Variants in ACTN2 observed in about 807,000 individuals in gnomAD.
ACTN2 encodes the protein actinin alpha 2.
Under a neutral mutation model 113.8 loss-of-function variants are expected in ACTN2, and 39 were observed. The observed-to-expected ratio is 0.34, with a 90% confidence interval of 0.27 to 0.45. ACTN2 has a LOEUF of 0.45. Ranked by LOEUF, ACTN2 falls within the 20% of genes least tolerant of loss-of-function variation. The probability of loss-of-function intolerance (pLI) is 1.00; values close to 1 mark genes in which losing one functional copy is unlikely to be tolerated. For missense variants in ACTN2, 992 were observed against 1,177.9 expected, an observed-to-expected ratio of 0.84 and a Z score of 2.31; for synonymous variants, 429 against 444.1, an observed-to-expected ratio of 0.97 and a Z score of 0.43.
At position 236,731,227 on chromosome 1, in the gene ACTN2, A is replaced by G. The variant is rs539077634; in HGVS notation, c.616-6A>G. The G allele has an allele frequency of 1.2e-6, 2 of 1,608,928 alleles. No individual in the cohort carries two copies. Among genetic ancestry groups the G allele is most frequent in the Admixed American group, 1.7e-5 (1 of 59,986 alleles). ...TAAAAATCTGACTGTCTTGGTTTTCATACAGGATGACCCCATAGGAAATAT... is the reference window on the plus strand; with the variant it reads ...TAAAAATCTGACTGTCTTGGTTTTCGTACAGGATGACCCCATAGGAAATAT... On this transcript the variant is annotated splice_polypyrimidine_tract_variant and splice_region_variant and intron_variant, in intron 6 of 20. Transcript: ENST00000366578.
chr1:236,735,127 G>A (rs909590755), intron 7 of ACTN2, among the ~76,000 whole-genome samples: 9 of 152,142 alleles, frequency 5.9e-5, no homozygotes, highest in African/African-American at 1.9e-4. Context: ...TCATCCTCAC[G>A]CAAGGCACTT....
Position 236,708,091 on chromosome 1 carries a change from C to T in ACTN2, c.127-9767C>T, listed in dbSNP as rs139818385. On this transcript the variant is annotated intron_variant, in intron 1 of 20. Transcript: ENST00000366578. ...TCCACACTAGACACTAAGCAGGTCA[C>T]GAAGCCAGGGTTCAGATTTAAGGCC... 4.5e-4 allele frequency among the ~76,000 whole-genome samples: 68 copies of T among 152,076 alleles called. 1 individual carries two copies. The highest frequency in any genetic ancestry group is 1.5e-3 in the African/African-American group (61 of 41,498).
At position 236,726,389 on chromosome 1, in the gene ACTN2, C is replaced by A. The variant is rs707207; in HGVS notation, c.536+369C>A. Among the ~76,000 whole-genome samples the A allele has an allele frequency of 9.9e-5, 15 of 152,200 alleles. No homozygotes were observed. In the South Asian group the frequency reaches 2.7e-3, roughly 27 times the overall value. Reference sequence around the variant, plus strand: ...AGACCCTGGCAGAGTCTGCGTACCCCCCACTAGCGACTCTTCAGCCCTCAG... The same window carrying A: ...AGACCCTGGCAGAGTCTGCGTACCCACCACTAGCGACTCTTCAGCCCTCAG... On this transcript the variant is annotated intron_variant, in intron 5 of 20. Transcript: ENST00000366578.
At position 236,735,791 on chromosome 1, in the gene ACTN2, G is replaced by A. The variant is rs1572129301; in HGVS notation, c.783+71G>A. Reference sequence around the variant, plus strand: ...GTTTTAGTTGTGTGTGCATACTTGAGTGTGTGTTTGTGCGCTTCACATCTT... The same window carrying A: ...GTTTTAGTTGTGTGTGCATACTTGAATGTGTGTTTGTGCGCTTCACATCTT... On this transcript the variant is annotated intron_variant, in intron 8 of 20. Coordinates refer to ENST00000366578, the MANE Select transcript of ACTN2 (RefSeq NM_001103.4). 17 of 1,259,558 alleles carry A rather than the reference G, an allele frequency of 1.3e-5. No homozygotes were observed. In the South Asian group the frequency reaches 2.1e-4, roughly 15 times the overall value. 78.0% of individuals were successfully genotyped at this position (1,259,558 alleles called of 1,614,324 possible).
rs759186040 is a variant in ACTN2, at chr1:236,737,072, T to C, written c.784-50T>C. ...CACCCACCTCGTTCCATGCTGTGTG[T>C]GCGCATTCCCGTCGACAGAGCCGTC... On this transcript the variant is annotated intron_variant, in intron 8 of 20. Coordinates refer to ENST00000366578, the MANE Select transcript of ACTN2 (RefSeq NM_001103.4). 2.0e-6 allele frequency: 3 copies of C among 1,475,664 alleles called. No homozygotes were observed. In the African/African-American group the frequency reaches 4.1e-5, roughly 20 times the overall value. 91.4% of individuals were successfully genotyped at this position (1,475,664 alleles called of 1,614,324 possible). A position where few individuals can be genotyped will look rare whatever the true frequency, so the allele number is the denominator to read the frequency against.
At chr1:236,731,986 T>A (rs1368390300) in intron 7 of ACTN2, among the ~76,000 whole-genome samples, 1 of 152,204 alleles carries the variant, frequency 6.6e-6, no homozygotes. Flanking sequence ...TGGACACCAT[T>A]CGTTCATTTT....
At chr1:236,696,332 A>G (rs2102864416) in intron 1 of ACTN2, among the ~76,000 whole-genome samples, 1 of 151,676 alleles carries the variant, frequency 6.6e-6, no homozygotes, top group East Asian at 1.9e-4. Flanking sequence ...AAAAAAAAAA[A>G]AGATTGTTTT....
intron 19 of ACTN2, 147 bp from the exon 20 acceptor site, chr1:236,760,868 T>A (rs1659683356): frequency 9.7e-7 from 1 of 1,033,920 alleles, no homozygotes; most frequent in African/African-American, 1.6e-5. Context: ...TTAAGGGGAA[T>A]CTTGTCCAAA....
intron 1 of ACTN2, among the ~76,000 whole-genome samples, chr1:236,715,297 T>A (rs1658155281): frequency 1.1e-5 from 1 of 95,174 alleles, no homozygotes; most frequent in Non-Finnish European, 1.9e-5. Flanking sequence ...CCTAATCCTA[T>A]CCCTCCCCCC....
chr1:236,748,789 C>G (rs544789761), intron 13 of ACTN2, among the ~76,000 whole-genome samples: 60 of 152,278 alleles, frequency 3.9e-4, no homozygotes, highest in African/African-American at 1.4e-3. Context: ...GGAATCAGGT[C>G]CTCTTATAAA....
At chr1:236,727,365 A>T (rs1265677553) in intron 5 of ACTN2, among the ~76,000 whole-genome samples, 1 of 151,950 alleles carries the variant, frequency 6.6e-6, no homozygotes, top group Admixed American at 6.6e-5. Context: ...AGAGAGAGGA[A>T]CCCTGGGACT....
chr1:236,749,899 T>C (rs1424749353), intron 14 of ACTN2, among the ~76,000 whole-genome samples: 2 of 152,186 alleles, frequency 1.3e-5, no homozygotes, highest in African/African-American at 4.8e-5. Context: ...CATGAAAAAG[T>C]TGTAAGTGTA....
chr1:236,758,360 A>G (rs1203003410), intron 18 of ACTN2, among the ~76,000 whole-genome samples: 1 of 147,620 alleles, frequency 6.8e-6, no homozygotes, highest in African/African-American at 2.5e-5. Flanking sequence ...ATCTCGGCTC[A>G]CTGCAACCTC....
intron 5 of ACTN2, among the ~76,000 whole-genome samples, chr1:236,726,868 C>T (rs1658564636): frequency 6.6e-6 from 1 of 152,206 alleles, no homozygotes; most frequent in Non-Finnish European, 1.5e-5. Context: ...GGACTTTCTG[C>T]AGGTGTCAAA....
chr1:236,688,061 T>A (rs1003816342), intron 1 of ACTN2, among the ~76,000 whole-genome samples: 4 of 152,224 alleles, frequency 2.6e-5, no homozygotes, highest in African/African-American at 9.6e-5. Context: ...CGTCTACTAT[T>A]GTTTAAAGGA....
chr1:236,695,204 T>C (rs1269171023), intron 1 of ACTN2, among the ~76,000 whole-genome samples: 1 of 83,684 alleles, frequency 1.2e-5, no homozygotes, highest in Non-Finnish European at 2.5e-5. Flanking sequence ...CAGTCTCTAC[T>C]AAAAATACAA....
At chr1:236,761,264 T>G in intron 20 of ACTN2, 91 bp downstream of exon 20, 1 of 1,467,022 alleles carries the variant, frequency 6.8e-7, no homozygotes, top group Non-Finnish European at 9.5e-7. Flanking sequence ...AAAAACCATT[T>G]TTATGCCGGT....
At chr1:236,722,978 A>G (rs1319878638) in intron 4 of ACTN2, among the ~76,000 whole-genome samples, 1 of 152,254 alleles carries the variant, frequency 6.6e-6, no homozygotes, top group African/African-American at 2.4e-5. Context: ...GTAGTAACCA[A>G]TTGAAGAAGG....
chr1:236,743,191 A>C, intron 11 of ACTN2, 148 bp downstream of exon 11: 1 of 999,424 alleles, frequency 1.0e-6, no homozygotes, highest in Admixed American at 2.0e-5. Context: ...TCTCAGTGCC[A>C]AATTTATTTA....
Sources: gnomAD v4.1 joint callset for allele counts (sites outside exome capture counted in the v4.1 genomes callset) on GRCh38, gnomAD v4.1.1 for gene constraint, MANE v1.5 for transcripts, NCBI Gene and HGNC (gene_info 2026-07-23, HGNC 2026-07-21) for gene names.